Variants in FHAD1 observed in about 807,000 individuals in gnomAD.
FHAD1 encodes forkhead-associated domain-containing protein 1.
In FHAD1, 146 loss-of-function variants were observed where a neutral mutation model predicts 191.3. That is an observed-to-expected ratio of 0.76 (90% confidence interval 0.67 to 0.88). FHAD1 has a LOEUF of 0.88. Ranked by LOEUF, FHAD1 falls within the 40% of genes least tolerant of loss-of-function variation. The pLI, the probability that FHAD1 is intolerant of heterozygous loss-of-function variation, is 0.00. For synonymous variants in FHAD1, 616 were observed against 672.3 expected, an observed-to-expected ratio of 0.92 and a Z score of 1.29; for missense variants, 1,635 against 1,785.8, an observed-to-expected ratio of 0.92 and a Z score of 1.52.
At position 15,276,819 on chromosome 1, in the gene FHAD1, C is replaced by G. The variant is rs977440968; in HGVS notation, c.300+4290C>G. Reference sequence around the variant, plus strand: ...AAAAAAAAAAAGTATAGCCTAGGGCCACCACCTTGCACAACTCCAGTCACC... The same window carrying G: ...AAAAAAAAAAAGTATAGCCTAGGGCGACCACCTTGCACAACTCCAGTCACC... On this transcript the variant is annotated intron_variant, in intron 3 of 33. Coordinates refer to ENST00000688493, the MANE Select transcript of FHAD1 (RefSeq NM_001391957.1). This position sits in a 1 kb window ranked among gnomAD's most constrained non-coding sequence, Gnocchi z 4.7. 6.6e-6 allele frequency among the ~76,000 whole-genome samples: 1 copy of G among 151,954 alleles called. No individual in the cohort carries two copies. Among genetic ancestry groups the G allele is most frequent in the East Asian group, 1.9e-4 (1 of 5,180 alleles).
At chr1:15,247,455 G>C (rs1646213647) in intron 1 of FHAD1, 60 bp downstream of exon 1, 1 of 178,730 alleles carries the variant, frequency 5.6e-6, no homozygotes, top group Non-Finnish European at 1.2e-5. Context: ...GGGCGGCCCA[G>C]CGAGGACTAG....
intron 10 of FHAD1, among the ~76,000 whole-genome samples, chr1:15,319,943 T>C (rs1675718239): frequency 6.6e-6 from 1 of 152,234 alleles, no homozygotes; most frequent in Non-Finnish European, 1.5e-5. Flanking sequence ...TATATTTTTC[T>C]TTTAAATAGT....
Position 15,345,008 on chromosome 1 carries a change from A to C in FHAD1, c.2131-75A>C. ...GTGCGGTGAGGAGTGAAGAGGTAGCACATGCAGTGCCTGGCAGCGTCCAAA... is the reference window on the plus strand; with the variant it reads ...GTGCGGTGAGGAGTGAAGAGGTAGCCCATGCAGTGCCTGGCAGCGTCCAAA... On this transcript the variant is annotated intron_variant, in intron 16 of 33. Coordinates refer to ENST00000688493, the MANE Select transcript of FHAD1 (RefSeq NM_001391957.1). The C allele has an allele frequency of 8.1e-6, 9 of 1,117,086 alleles. 1 individual carries two copies. In the South Asian group the frequency reaches 9.5e-5, roughly 12 times the overall value. 69.2% of individuals were successfully genotyped at this position (1,117,086 alleles called of 1,614,324 possible). A position where few individuals can be genotyped will look rare whatever the true frequency, so the allele number is the denominator to read the frequency against.
At chr1:15,270,066 A>T (rs906149445) in intron 2 of FHAD1, among the ~76,000 whole-genome samples, 1 of 152,056 alleles carries the variant, frequency 6.6e-6, no homozygotes, top group Non-Finnish European at 1.5e-5. Flanking sequence ...GTGCACCACT[A>T]CACCCAGCTA....
intron 27 of FHAD1, 52 bp downstream of exon 27, chr1:15,374,683 T>G (rs1699055669): frequency 6.5e-7 from 1 of 1,543,808 alleles, no homozygotes. Flanking sequence ...TCCGGCTCAC[T>G]TTGGGGACTG....
chr1:15,272,443 G>A lies in FHAD1; in HGVS notation c.214G>A (p.Val72Met), dbSNP rs765416342. The A allele has an allele frequency of 6.4e-6, 10 of 1,551,576 alleles. No homozygotes were observed. In the East Asian group the frequency reaches 9.8e-5, roughly 15 times the overall value. ...TGTCAACGAGTGCCACATTCAAAACGTGGCTGTGAAGCTCATCCCTGGAGA... is the reference window on the plus strand; with the variant it reads ...TGTCAACGAGTGCCACATTCAAAACATGGCTGTGAAGCTCATCCCTGGAGA... ...TFVNECHIQN[V>M]AVKLIPGDIL... Residue 72 changes from valine (V) to methionine (M), a missense_variant, in exon 3 of 34, where the codon GTG becomes ATG. By Grantham distance (21) the Val-to-Met change is conservative. Coordinates refer to ENST00000688493, the MANE Select transcript of FHAD1 (RefSeq NM_001391957.1).
chr1:15,293,544 C>T (rs1001404158), intron 4 of FHAD1, among the ~76,000 whole-genome samples: 2 of 152,008 alleles, frequency 1.3e-5, no homozygotes, highest in Non-Finnish European at 1.5e-5. Flanking sequence ...ATGGTGAAAC[C>T]CCATCTCTAC....
At chr1:15,373,528 A>G (rs1220678827) in intron 26 of FHAD1, among the ~76,000 whole-genome samples, 1 of 151,548 alleles carries the variant, frequency 6.6e-6, no homozygotes, top group East Asian at 1.9e-4. Flanking sequence ...AAAATGGTGA[A>G]AAAGGCCTTT....
At chr1:15,353,089 TG>T in intron 20 of FHAD1, 105 bp downstream of exon 20, 1 of 810,800 alleles carries the variant, frequency 1.2e-6, no homozygotes. Flanking sequence ...CATCCCTGGC[TG>T]GGGGACTTCA....
chr1:15,389,423 G>A (rs1703219660), intron 32 of FHAD1, among the ~76,000 whole-genome samples: 1 of 112,096 alleles, frequency 8.9e-6, no homozygotes, highest in Admixed American at 9.8e-5. Flanking sequence ...ACTCTAGCCT[G>A]AGCAACAGAG....
chr1:15,362,543 G>A, intron 22 of FHAD1, 99 bp from the exon 23 acceptor site: 1 of 935,318 alleles, frequency 1.1e-6, no homozygotes, highest in East Asian at 2.6e-5. Context: ...GGCTGCAGGT[G>A]GAGGCAGGGT....
chr1:15,274,986 G>A (rs938850602), intron 3 of FHAD1, among the ~76,000 whole-genome samples: 1 of 150,600 alleles, frequency 6.6e-6, no homozygotes, highest in East Asian at 2.0e-4. Flanking sequence ...TTTTTGAGAC[G>A]GAGTCTCACT....
At chr1:15,292,102 CTG>C (rs1664984648) in intron 4 of FHAD1, among the ~76,000 whole-genome samples, 1 of 152,170 alleles carries the variant, frequency 6.6e-6, no homozygotes, top group East Asian at 1.9e-4. Flanking sequence ...CAGAACCTAA[CTG>C]TATTGAGAGA....
chr1:15,379,998 A>G (rs1277458965), intron 28 of FHAD1, among the ~76,000 whole-genome samples: 1 of 152,158 alleles, frequency 6.6e-6, no homozygotes, highest in Non-Finnish European at 1.5e-5. Flanking sequence ...CTCACCCACC[A>G]TCTGCATCAT....
chr1:15,284,247 G>A (rs898162174), intron 3 of FHAD1, among the ~76,000 whole-genome samples: 4 of 152,146 alleles, frequency 2.6e-5, no homozygotes, highest in Non-Finnish European at 4.4e-5. Flanking sequence ...TTGGGAGGCC[G>A]AGGCGGGCGG....
At chr1:15,307,690 C>A (rs1670924836) in intron 6 of FHAD1, among the ~76,000 whole-genome samples, 1 of 152,086 alleles carries the variant, frequency 6.6e-6, no homozygotes, top group African/African-American at 2.4e-5. Context: ...GATTCTGAGG[C>A]CTCCCCAGCC....
chr1:15,264,548 A>G (rs79746392), intron 2 of FHAD1, among the ~76,000 whole-genome samples: 22,087 of 147,302 alleles, frequency 0.15, 1,816 homozygotes, highest in Middle Eastern at 0.21. Context: ...ATATGTATAT[A>G]TGTGTGTGTG....
chr1:15,356,115 G>A (rs1692713479), intron 20 of FHAD1, among the ~76,000 whole-genome samples: 1 of 152,190 alleles, frequency 6.6e-6, no homozygotes, highest in African/African-American at 2.4e-5. Flanking sequence ...TTGACACTGT[G>A]ACACTGTGCA....
chr1:15,367,733 A>G, intron 25 of FHAD1, 111 bp downstream of exon 25: 2 of 846,202 alleles, frequency 2.4e-6, no homozygotes, highest in South Asian at 1.7e-5. Context: ...GAATGAATGA[A>G]TGATATGTGT....
Sources: allele counts gnomAD v4.1 joint callset (sites outside exome capture counted in the v4.1 genomes callset), GRCh38; gene constraint gnomAD v4.1.1; non-coding constraint Gnocchi (gnomAD v3.1); transcripts MANE v1.5; gene names NCBI Gene and HGNC (gene_info 2026-07-23, HGNC 2026-07-21).